Variants in GALNT10 observed in about 807,000 individuals in gnomAD.
GALNT10 encodes the protein polypeptide N-acetylgalactosaminyltransferase 10.
In GALNT10, 41 loss-of-function variants were observed where a neutral mutation model predicts 75.0. The ratio of observed to expected loss-of-function variants is 0.55; its 90% CI spans 0.43 to 0.71. The LOEUF (loss-of-function observed/expected upper bound fraction) is 0.71. Ranked by LOEUF, GALNT10 falls within the 30% of genes least tolerant of loss-of-function variation. The pLI, the probability that GALNT10 is intolerant of heterozygous loss-of-function variation, is 0.00. For synonymous variants in GALNT10, 302 were observed against 313.0 expected (o/e 0.96, Z 0.37); for missense variants, 727 against 818.5 (o/e 0.89, Z 1.36).
intron 1 of GALNT10, among the ~76,000 whole-genome samples, chr5:154,291,594 TTCATC>T (rs1282442098): frequency 6.6e-6 from 1 of 152,202 alleles, no homozygotes; most frequent in Non-Finnish European, 1.5e-5. Context: ...ATGGTTTTAT[TTCATC>T]CTAGCAGCGA....
rs556787011 is a variant in GALNT10 at position 154,347,874 on chromosome 5, G to A, written c.568+18136G>A. 8.2e-4 allele frequency among the ~76,000 whole-genome samples: 125 copies of A among 152,286 alleles called. 1 individual carries two copies. The highest frequency in any genetic ancestry group is 2.8e-3 in the African/African-American group (118 of 41,552). ...TGAGAATTTTTTCCCCTCTAAAATA[G>A]AGTCTGATTTTCTTTCCCTTCAACC... is the stretch of plus-strand genomic sequence containing the variant. On this transcript the variant is annotated intron_variant, in intron 4 of 11. Coordinates refer to ENST00000297107, the MANE Select transcript of GALNT10 (RefSeq NM_198321.4).
At chr5:154,386,247 C>T (rs1010890216) in intron 6 of GALNT10, 66 bp from the exon 7 acceptor site, 14 of 1,124,410 alleles carry the variant, frequency 1.2e-5, no homozygotes, top group Middle Eastern at 2.6e-4. Flanking sequence ...ATGGCATTAT[C>T]GGGCCACATG....
intron 1 of GALNT10, among the ~76,000 whole-genome samples, chr5:154,199,976 A>G (rs1775001238): frequency 6.6e-6 from 1 of 152,232 alleles, no homozygotes; most frequent in Non-Finnish European, 1.5e-5. Flanking sequence ...GTCAGGTAAC[A>G]TATCCAGGGC....
chr5:154,235,713 G>A (rs898267973), intron 1 of GALNT10, among the ~76,000 whole-genome samples: 1 of 152,130 alleles, frequency 6.6e-6, no homozygotes, highest in Non-Finnish European at 1.5e-5. Context: ...GGCATGAGAG[G>A]ATTAATGTTA....
chr5:154,226,498 A>G (rs1300638029), intron 1 of GALNT10, among the ~76,000 whole-genome samples: 4 of 152,158 alleles, frequency 2.6e-5, no homozygotes. Context: ...AGTATATTCA[A>G]TATATTATTC....
In GALNT10 at chr5:154,361,524, G is replaced by A. The variant is rs78442484; in HGVS notation, c.569-14753G>A. 8.6e-4 allele frequency among the ~76,000 whole-genome samples: 131 copies of A among 152,266 alleles called. 1 individual carries two copies. The East Asian group carries it at 0.024, about 27-fold the overall frequency. The stretch of plus-strand genomic sequence containing the variant: ...TTGCAGAAATGTCTTCCTCGGACCC[G>A]AACTTGGTTACTTGGTTTCTGATCG... On this transcript the variant is annotated intron_variant, in intron 4 of 11. Transcript: ENST00000297107.
At chr5:154,295,164 C>T (rs1169963160) in intron 2 of GALNT10, among the ~76,000 whole-genome samples, 1 of 152,156 alleles carries the variant, frequency 6.6e-6, no homozygotes, top group African/African-American at 2.4e-5. Context: ...CAAGAATTTG[C>T]CTGCCACCTT....
intron 1 of GALNT10, among the ~76,000 whole-genome samples, chr5:154,271,503 A>G (rs1248993889): frequency 2.0e-5 from 3 of 152,178 alleles, no homozygotes; most frequent in Non-Finnish European, 4.4e-5. Flanking sequence ...AATAGAGCCA[A>G]AGCCTCTTTT....
At chr5:154,262,327 G>C (rs1753711259) in intron 1 of GALNT10, among the ~76,000 whole-genome samples, 1 of 152,168 alleles carries the variant, frequency 6.6e-6, no homozygotes. Context: ...TCAGCTCAGT[G>C]CTTCAAATCT....
chr5:154,416,569 G>A lies in GALNT10; in HGVS notation c.1654-245G>A, dbSNP rs1424636444. Among the ~76,000 whole-genome samples the A allele has an allele frequency of 6.7e-6, 1 of 150,340 alleles. No individual in the cohort carries two copies. The highest frequency in any genetic ancestry group is 2.5e-5 in the African/African-American group (1 of 40,636). ...GAGGTGGGCAGTGTCTAGGTCCCAG[G>A]CCTGGAAGCTGCGTGCATCACTTCT... On this transcript the variant is annotated intron_variant, in intron 11 of 11. Coordinates refer to ENST00000297107, the MANE Select transcript of GALNT10 (RefSeq NM_198321.4). This position sits in a 1 kb window ranked among gnomAD's most constrained non-coding sequence, Gnocchi z 4.5.
At chr5:154,252,099 GA>G in intron 1 of GALNT10, among the ~76,000 whole-genome samples, 1 of 152,016 alleles carries the variant, frequency 6.6e-6, no homozygotes, top group East Asian at 1.9e-4. Context: ...AACAATATCA[GA>G]ATAGCAATAC....
At chr5:154,198,599 G>T (rs775865420) in intron 1 of GALNT10, among the ~76,000 whole-genome samples, 17 of 152,192 alleles carry the variant, frequency 1.1e-4, no homozygotes, top group Non-Finnish European at 2.2e-4. Flanking sequence ...GCATGCAGAG[G>T]CTGCTCTTGG....
At chr5:154,406,580 T>C (rs1756286529) in intron 8 of GALNT10, among the ~76,000 whole-genome samples, 1 of 152,198 alleles carries the variant, frequency 6.6e-6, no homozygotes, top group Non-Finnish European at 1.5e-5. Flanking sequence ...GCGGATCACC[T>C]GAGGTCAGGA....
chr5:154,197,116 G>C (rs1774957566), intron 1 of GALNT10, among the ~76,000 whole-genome samples: 1 of 152,100 alleles, frequency 6.6e-6, no homozygotes, highest in African/African-American at 2.4e-5. Flanking sequence ...GTGGACCTCA[G>C]TTTGTTGCTG....
At chr5:154,410,812 C>T (rs1034873310) in intron 9 of GALNT10, among the ~76,000 whole-genome samples, 4 of 152,248 alleles carry the variant, frequency 2.6e-5, no homozygotes, top group Non-Finnish European at 5.9e-5. Context: ...AGAGGAACAG[C>T]GTGCTTCTCT....
chr5:154,266,102 C>T (rs1316453187), intron 1 of GALNT10, among the ~76,000 whole-genome samples: 1 of 152,084 alleles, frequency 6.6e-6, no homozygotes, highest in Non-Finnish European at 1.5e-5. Flanking sequence ...ATATATGTAA[C>T]ATGAAAACAA....
intron 1 of GALNT10, among the ~76,000 whole-genome samples, chr5:154,286,575 G>T (rs1186283558): frequency 6.6e-6 from 1 of 151,964 alleles, no homozygotes; most frequent in African/African-American, 2.4e-5. Context: ...GAGCTTTCAT[G>T]CCTTACGTAG....
In GALNT10 at chr5:154,297,834, T is replaced by C. The variant is rs1444139995; in HGVS notation, c.263-107T>C. On this transcript the variant is annotated intron_variant, in intron 2 of 11. Transcript: ENST00000297107. ...AACTGAGCTATGCTCTATATCCAAA[T>C]CAAGTTTTATCTTGGAGGTTTAATC... 1.0e-4 allele frequency: 107 copies of C among 1,024,738 alleles called. 2 individuals carry two copies. The highest frequency in any genetic ancestry group is 1.0e-3 in the South Asian group (66 of 65,114). 63.5% of individuals were successfully genotyped at this position (1,024,738 alleles called of 1,614,324 possible).
intron 1 of GALNT10, among the ~76,000 whole-genome samples, chr5:154,246,743 C>T (rs1753432024): frequency 6.6e-6 from 1 of 152,078 alleles, no homozygotes; most frequent in Non-Finnish European, 1.5e-5. Context: ...CAAACATTTT[C>T]TCCCATTCTG....
Sources: gnomAD v4.1 joint callset for allele counts (sites outside exome capture counted in the v4.1 genomes callset) on GRCh38, gnomAD v4.1.1 for gene constraint, Gnocchi (gnomAD v3.1) non-coding constraint, MANE v1.5 for transcripts, NCBI Gene and HGNC (gene_info 2026-07-23, HGNC 2026-07-21) for gene names.